PGM5: variants seen among roughly 807,000 people sequenced by gnomAD.
PGM5 encodes phosphoglucomutase 5, also known as phosphoglucomutase-like protein 5.
Under a neutral mutation model 59.2 loss-of-function variants are expected in PGM5, and 23 were observed. The observed-to-expected ratio is 0.39, with a 90% CI of 0.28 to 0.55. The LOEUF is 0.55. Ranked by LOEUF, PGM5 falls within the 20% of genes least tolerant of loss-of-function variation. PGM5 has a pLI of 0.66. For missense variants in PGM5, 574 were observed against 748.3 expected, an observed-to-expected ratio of 0.77 and a Z score of 2.72; for synonymous variants, 214 against 286.0, an observed-to-expected ratio of 0.75 and a Z score of 2.54.
chr9:68,522,952 A>C (rs1370862664), intron 10 of PGM5, among the ~76,000 whole-genome samples: 1 of 152,164 alleles, frequency 6.6e-6, no homozygotes, highest in East Asian at 1.9e-4. Flanking sequence ...CTGCTTTCTC[A>C]TAATCCAGGA....
At chr9:68,433,564 T>A (rs782130757) in intron 6 of PGM5, among the ~76,000 whole-genome samples, 9 of 152,240 alleles carry the variant, frequency 5.9e-5, no homozygotes, top group Admixed American at 1.3e-4. Flanking sequence ...CTGAGCAAAC[T>A]CTCATTTAGG....
chr9:68,470,018 T>C (rs1295304454), intron 7 of PGM5, among the ~76,000 whole-genome samples: 1 of 152,210 alleles, frequency 6.6e-6, no homozygotes, highest in Non-Finnish European at 1.5e-5. Context: ...AGAGATGTTA[T>C]GAATGATAAC....
In PGM5 at chr9:68,358,999, C is replaced by A. The variant is rs1393447960; in HGVS notation, c.261+1611C>A. Among the ~76,000 whole-genome samples, 58 of 152,140 alleles carry A rather than the reference C, an allele frequency of 3.8e-4. 1 individual carries two copies. The highest frequency in any genetic ancestry group is 3.8e-3 in the Admixed American group (58 of 15,272). Reference sequence around the variant, plus strand: ...CTGTGGAGTGATGGAGAATAACGAGCCTTGGGAGAGCTATGGGAGCTCTCA... The same window carrying A: ...CTGTGGAGTGATGGAGAATAACGAGACTTGGGAGAGCTATGGGAGCTCTCA... On this transcript the variant is annotated intron_variant, in intron 1 of 10. Coordinates refer to ENST00000396396, the MANE Select transcript of PGM5 (RefSeq NM_021965.4).
At chr9:68,380,484 C>T (rs2482652) in intron 2 of PGM5, among the ~76,000 whole-genome samples, 1 of 151,660 alleles carries the variant, frequency 6.6e-6, no homozygotes, top group Admixed American at 6.6e-5. Context: ...TAAATGCCTA[C>T]ATTAAAAAAG....
At chr9:68,464,419 C>T (rs1000742579) in intron 6 of PGM5, 1 of 152,186 alleles carries the variant, frequency 6.6e-6, no homozygotes, top group African/African-American at 2.4e-5. Context: ...TGAAATGGCC[C>T]TCTAGAGTTG....
At chr9:68,466,897 G>A (rs1323945943) in intron 7 of PGM5, among the ~76,000 whole-genome samples, 2 of 152,202 alleles carry the variant, frequency 1.3e-5, no homozygotes, top group Non-Finnish European at 2.9e-5. Flanking sequence ...TATTGGTGCA[G>A]GATTCTGAGC....
chr9:68,391,094 C>T (rs1554679399), intron 4 of PGM5, among the ~76,000 whole-genome samples: 1 of 151,848 alleles, frequency 6.6e-6, no homozygotes, highest in Admixed American at 6.6e-5. Context: ...TTTTTATATG[C>T]TTCAGTGGTT....
chr9:68,364,335 C>A (rs1272909790), intron 1 of PGM5, among the ~76,000 whole-genome samples: 1 of 152,140 alleles, frequency 6.6e-6, no homozygotes, highest in Non-Finnish European at 1.5e-5. Context: ...TTTACTAGAA[C>A]TATCTGGGGA....
chr9:68,358,364 G>A (rs1415699551), intron 1 of PGM5, among the ~76,000 whole-genome samples: 3 of 151,962 alleles, frequency 2.0e-5, no homozygotes, highest in African/African-American at 4.8e-5. Flanking sequence ...AGCACCTTTT[G>A]GCATAGACCC....
At chr9:68,518,760 T>A (rs1370637850) in intron 10 of PGM5, among the ~76,000 whole-genome samples, 1 of 152,230 alleles carries the variant, frequency 6.6e-6, no homozygotes, top group Non-Finnish European at 1.5e-5. Context: ...TGAAAGATCA[T>A]ATTCGGAAAA....
intron 6 of PGM5, among the ~76,000 whole-genome samples, chr9:68,408,521 A>C (rs1419429556): frequency 6.6e-6 from 1 of 151,902 alleles, no homozygotes; most frequent in Non-Finnish European, 1.5e-5. Flanking sequence ...CCATTTTGTA[A>C]GTTGCCTGTT....
At chr9:68,448,453 C>A (rs1456899240) in intron 6 of PGM5, among the ~76,000 whole-genome samples, 1 of 152,148 alleles carries the variant, frequency 6.6e-6, no homozygotes, top group African/African-American at 2.4e-5. Context: ...AAGAGTCATG[C>A]TAATTTCATT....
At chr9:68,511,545 CTTTTTTTTTTTTTTT>C in intron 10 of PGM5, among the ~76,000 whole-genome samples, 2 of 62,736 alleles carry the variant, frequency 3.2e-5, no homozygotes, top group South Asian at 1.6e-3. Context: ...TTGTTTTTGC[CTTTTTTTTTTTTTTT>C]TTTTTTTTTT....
chr9:68,421,091 T>C (rs7029177), intron 6 of PGM5, among the ~76,000 whole-genome samples: 91,085 of 152,070 alleles, frequency 0.6, 27,212 homozygotes, highest in Admixed American at 0.62. Context: ...CGTGGACATG[T>C]AGGTGCACAT....
Position 68,387,524 on chromosome 9 carries a change from T to G in PGM5, c.633T>G (p.His211Gln), listed in dbSNP as rs782189932. Residue 211 changes from histidine (H) to glutamine (Q), a missense_variant, in exon 4 of 11, where the codon CAT (histidine) becomes CAG (glutamine). Around this residue, in one of 7 missense-constraint regions of PGM5, gnomAD observed 103 missense variants for 112.4 expected, o/e 0.92. Coordinates refer to ENST00000396396, the MANE Select transcript of PGM5 (RefSeq NM_021965.4). ...TCCTTCGGACCATCTTTGACTTTCATGCCATCAAGGGTTTGCTGACTGGAC... is the reference window on the plus strand; with the variant it reads ...TCCTTCGGACCATCTTTGACTTTCAGGCCATCAAGGGTTTGCTGACTGGAC... The part of the protein sequence containing the change: ...LNLLRTIFDF[H>Q]AIKGLLTGPS... The G allele has an allele frequency of 3.1e-6, 5 of 1,612,142 alleles. No individual in the cohort carries two copies. Among genetic ancestry groups the G allele is most frequent in the Non-Finnish European group, 4.2e-6 (5 of 1,178,502 alleles).
intron 1 of PGM5, among the ~76,000 whole-genome samples, chr9:68,359,032 T>A (rs1554676052): frequency 6.6e-6 from 1 of 152,140 alleles, no homozygotes; most frequent in African/African-American, 2.4e-5. Flanking sequence ...TCATACTTCT[T>A]CCCGAGCCAA....
intron 10 of PGM5, among the ~76,000 whole-genome samples, chr9:68,510,598 G>C (rs1206996205): frequency 6.6e-6 from 1 of 152,122 alleles, no homozygotes; most frequent in Non-Finnish European, 1.5e-5. Context: ...TATATGTAAA[G>C]AGTTTTGTAC....
chr9:68,418,740 G>T (rs186352808), intron 6 of PGM5, among the ~76,000 whole-genome samples: 253 of 152,114 alleles, frequency 1.7e-3, no homozygotes, highest in African/African-American at 6.0e-3. Flanking sequence ...TGCGGCGGGG[G>T]TGGGAGATGA....
chr9:68,392,897 G>A (rs1266433235), intron 6 of PGM5, among the ~76,000 whole-genome samples: 1 of 152,064 alleles, frequency 6.6e-6, no homozygotes, highest in Non-Finnish European at 1.5e-5. Context: ...AAAAAGCATG[G>A]GTTTTGAGGT....
Sources: allele counts gnomAD v4.1 joint callset (sites outside exome capture counted in the v4.1 genomes callset), GRCh38; gene constraint gnomAD v4.1.1; regional missense constraint gnomAD v4.1.1; transcripts MANE v1.5; gene names NCBI Gene and HGNC (gene_info 2026-07-23, HGNC 2026-07-21).